Variants in FANCI observed in about 807,000 individuals in gnomAD.
FANCI encodes the protein FA complementation group I, also known as Fanconi anemia group I protein.
A neutral mutation model predicts 176.1 loss-of-function variants in FANCI; 156 were observed. That is an observed-to-expected ratio of 0.89 (90% confidence interval 0.78 to 1.01). The LOEUF is 1.01. FANCI is among the 50% of genes least tolerant of loss of function. The pLI is 0.00. For missense variants in FANCI, 1,678 were observed against 1,534.1 expected (o/e 1.09, Z -1.57); for synonymous variants, 613 against 541.7 (o/e 1.13, Z -1.83).
intron 26 of FANCI, 31 bp from the exon 27 acceptor site, chr15:89,301,295 A>G (rs147058299): frequency 7.0e-5 from 101 of 1,440,518 alleles, no homozygotes; most frequent in Middle Eastern, 7.0e-4. Flanking sequence ...GTCTGCTAAC[A>G]TTGCTTGCTG....
chr15:89,266,609 G>A (rs552863200), intron 9 of FANCI, among the ~76,000 whole-genome samples: 54 of 151,720 alleles, frequency 3.6e-4, no homozygotes, highest in South Asian at 6.3e-4. Context: ...GATTACAGGC[G>A]TGAGCCACTG....
intron 10 of FANCI, chr15:89,268,771 A>G: frequency 2.1e-6 from 1 of 466,116 alleles, no homozygotes; most frequent in Non-Finnish European, 3.9e-6. Flanking sequence ...TCTATTTAAA[A>G]AAACCCTCAA....
intron 4 of FANCI, 56 bp from the exon 5 acceptor site, chr15:89,261,529 G>T: frequency 6.2e-7 from 1 of 1,604,674 alleles, no homozygotes. Context: ...TTCTTAGAAA[G>T]ATTTATCAAA....
Position 89,315,272 on chromosome 15 carries a change from C to G in FANCI, c.3817-10C>G. 3.7e-6 allele frequency: 6 copies of G among 1,604,914 alleles called. No individual in the cohort carries two copies. Among genetic ancestry groups the G allele is most frequent in the Non-Finnish European group, 5.1e-6 (6 of 1,171,564 alleles). ...TAGGGAGATGTCCCATGCTTACAAT[C>G]TTGTCATAGGTGAACCTGATGCAGC... is the stretch of plus-strand genomic sequence containing the variant. On this transcript the variant is annotated splice_polypyrimidine_tract_variant and intron_variant, in intron 36 of 37. Coordinates refer to ENST00000310775, the MANE Select transcript of FANCI (RefSeq NM_001113378.2).
intron 17 of FANCI, among the ~76,000 whole-genome samples, chr15:89,283,917 C>T (rs760503482): frequency 1.3e-5 from 2 of 151,882 alleles, no homozygotes; most frequent in African/African-American, 4.8e-5. Context: ...CGCCTGCTAC[C>T]GTGCCTGGCT....
At chr15:89,308,610 C>G (rs2054822084) in intron 34 of FANCI, among the ~76,000 whole-genome samples, 1 of 152,150 alleles carries the variant, frequency 6.6e-6, no homozygotes, top group South Asian at 2.1e-4. Flanking sequence ...AGTAACTTGC[C>G]TCATTATGTG....
intron 36 of FANCI, among the ~76,000 whole-genome samples, chr15:89,314,990 G>A (rs1230590672): frequency 6.6e-6 from 1 of 151,876 alleles, no homozygotes; most frequent in Non-Finnish European, 1.5e-5. Context: ...GTTTGTTTTT[G>A]TAGAGATGGG....
intron 14 of FANCI, among the ~76,000 whole-genome samples, chr15:89,279,345 A>G (rs143857779): frequency 1.7e-4 from 26 of 152,198 alleles, no homozygotes; most frequent in African/African-American, 6.3e-4. Flanking sequence ...ATTAGTAGAG[A>G]CAGGGTTTCG....
rs2055275278 is a variant in FANCI, at chr15:89,316,652, A to C, written c.*193A>C. 4.0e-5 allele frequency: 48 copies of C among 1,203,474 alleles called. No individual in the cohort carries two copies. Among genetic ancestry groups the C allele is most frequent in the Admixed American group, 2.1e-4 (12 of 57,780 alleles). 74.5% of individuals were successfully genotyped at this position (1,203,474 alleles called of 1,614,324 possible). The stretch of plus-strand genomic sequence containing the variant: ...TACTGAAAAATGGCTGGCCTTAGGC[A>C]AGCCCTTTTGCAAAAAGCACAGCTG... On this transcript the variant is annotated 3_prime_UTR_variant, in exon 38 of 38. Coordinates refer to ENST00000310775, the MANE Select transcript of FANCI (RefSeq NM_001113378.2).
chr15:89,275,083 CTTTT>C (rs530017776), intron 12 of FANCI, among the ~76,000 whole-genome samples: 1 of 114,986 alleles, frequency 8.7e-6, no homozygotes, highest in African/African-American at 3.2e-5. Flanking sequence ...GGCCTTTCTT[CTTTT>C]TTTTTTTTTT....
At chr15:89,258,664 G>C in intron 2 of FANCI, 40 bp from the exon 3 acceptor site, 3 of 1,488,762 alleles carry the variant, frequency 2.0e-6, no homozygotes, top group Non-Finnish European at 2.8e-6. Context: ...TGGGGTAAAA[G>C]ACTGTTGCCA....
At chr15:89,248,209 A>G (rs1010739923) in intron 2 of FANCI, among the ~76,000 whole-genome samples, 1 of 152,190 alleles carries the variant, frequency 6.6e-6, no homozygotes, top group Non-Finnish European at 1.5e-5. Flanking sequence ...ATAAAATGGG[A>G]TAGTAATTGC....
At position 89,273,370 on chromosome 15, in the gene FANCI, C is replaced by G; in HGVS notation, c.883-7C>G. On this transcript the variant is annotated splice_polypyrimidine_tract_variant and splice_region_variant and intron_variant, in intron 10 of 37. Transcript: ENST00000310775. The stretch of plus-strand genomic sequence containing the variant: ...TAAATGACTTCCTTTTGGTTGCTCT[C>G]TTCTAGGTAGGACAGCAAGGAGATT... 2 of 1,487,326 alleles carry G rather than the reference C, an allele frequency of 1.3e-6. No individual in the cohort carries two copies. The highest frequency in any genetic ancestry group is 9.3e-7 in the Non-Finnish European group (1 of 1,069,594). 92.1% of individuals were successfully genotyped at this position (1,487,326 alleles called of 1,614,324 possible).
intron 14 of FANCI, among the ~76,000 whole-genome samples, chr15:89,280,222 A>T (rs974033463): frequency 6.6e-6 from 1 of 152,040 alleles, no homozygotes; most frequent in African/African-American, 2.4e-5. Flanking sequence ...GTGTTTCACC[A>T]TGTTGGCCAG....
chr15:89,258,720 A>G lies in FANCI; in HGVS notation c.101A>G (p.Gln34Arg). The stretch of plus-strand genomic sequence containing the variant: ...TCTTTGCAGTTGACTAATCTCCTTC[A>G]GAATCAAGCAGTGAAAGGAAAAGTT... ...LREGDLTNLLQNQAVKGKVAG... is the reference protein window; with the variant it reads ...LREGDLTNLLRNQAVKGKVAG... Residue 34 changes from glutamine (Q) to arginine (R), a missense_variant, in exon 3 of 38, where the codon CAG becomes CGG. Coordinates refer to ENST00000310775, the MANE Select transcript of FANCI (RefSeq NM_001113378.2). 6.2e-7 allele frequency: 1 copy of G among 1,613,616 alleles called. No homozygotes were observed. The highest frequency in any genetic ancestry group is 1.1e-5 in the South Asian group (1 of 91,066).
At chr15:89,311,912 A>C (rs941312882) in intron 34 of FANCI, among the ~76,000 whole-genome samples, 1 of 152,168 alleles carries the variant, frequency 6.6e-6, no homozygotes, top group Non-Finnish European at 1.5e-5. Context: ...TTTTCTCCCC[A>C]GTCTCTCCTG....
At chr15:89,295,864 C>A (rs983547380) in intron 24 of FANCI, among the ~76,000 whole-genome samples, 1 of 151,998 alleles carries the variant, frequency 6.6e-6, no homozygotes. Flanking sequence ...ACCCCTTCCT[C>A]CGAGGTTCAA....
At chr15:89,294,072 C>G (rs1347358704) in intron 23 of FANCI, 75 bp downstream of exon 23, 1 of 1,507,428 alleles carries the variant, frequency 6.6e-7, no homozygotes, top group African/African-American at 1.4e-5. Context: ...ACTTGTTTCA[C>G]CTCGTTTGGA....
At chr15:89,296,334 C>T (rs1169535244) in intron 24 of FANCI, among the ~76,000 whole-genome samples, 1 of 151,962 alleles carries the variant, frequency 6.6e-6, no homozygotes, top group South Asian at 2.1e-4. Flanking sequence ...TCTTGAACTC[C>T]TGGGCTCAAG....
Sources: gnomAD v4.1 joint callset for allele counts (sites outside exome capture counted in the v4.1 genomes callset) on GRCh38, gnomAD v4.1.1 for gene constraint, MANE v1.5 for transcripts, NCBI Gene and HGNC (gene_info 2026-07-23, HGNC 2026-07-21) for gene names.